The following RGS6 variants were observed in gnomAD, a reference collection of about 807,000 sequenced individuals.
The protein encoded by RGS6 is regulator of G protein signaling 6.
In RGS6, 30 loss-of-function variants were observed where a neutral mutation model predicts 78.5. That is an observed-to-expected ratio of 0.38 (90% CI 0.29 to 0.52). RGS6 has a LOEUF of 0.52. Ranked by LOEUF, RGS6 falls within the 20% of genes least tolerant of loss-of-function variation. RGS6 has a pLI of 0.85. For synonymous variants in RGS6, 206 were observed against 206.0 expected (o/e 1.00, Z 0.00); for missense variants, 495 against 609.7 (o/e 0.81, Z 1.98).
At chr14:72,360,376 G>A (rs35213669) in intron 3 of RGS6, among the ~76,000 whole-genome samples, 8,974 of 151,824 alleles carry the variant, frequency 0.059, 442 homozygotes, top group East Asian at 0.3. Context: ...AAAAAAATTA[G>A]CTGGGTGTGG....
intron 7 of RGS6, among the ~76,000 whole-genome samples, chr14:72,467,631 G>T (rs2095956224): frequency 6.6e-6 from 1 of 152,166 alleles, no homozygotes; most frequent in Non-Finnish European, 1.5e-5. Context: ...TGTGAATGGG[G>T]TGCAGGGGGC....
chr14:72,223,762 G>C (rs2047439430), intron 2 of RGS6, among the ~76,000 whole-genome samples: 1 of 152,216 alleles, frequency 6.6e-6, no homozygotes, highest in Admixed American at 6.5e-5. Context: ...TGGAAAGAAA[G>C]GTTCCATTCG....
At chr14:72,552,225 T>G (rs1164097528) in intron 17 of RGS6, among the ~76,000 whole-genome samples, 1 of 152,240 alleles carries the variant, frequency 6.6e-6, no homozygotes, top group Non-Finnish European at 1.5e-5. Context: ...ATTGTTGGCT[T>G]ATTTTTAAAG....
At chr14:71,965,717 A>C (rs1426320183) in intron 2 of RGS6, among the ~76,000 whole-genome samples, 1 of 152,226 alleles carries the variant, frequency 6.6e-6, no homozygotes, top group Admixed American at 6.5e-5. Context: ...CTGTTGCCCC[A>C]TTGTGCTGAA....
intron 13 of RGS6, 36 bp from the exon 14 acceptor site, chr14:72,510,118 T>C (rs777087283): frequency 1.9e-6 from 3 of 1,548,004 alleles, no homozygotes; most frequent in African/African-American, 2.8e-5. Flanking sequence ...TTCTCTGGTA[T>C]TGATCTTCTT....
chr14:72,474,552 T>C, intron 9 of RGS6, 73 bp from the exon 10 acceptor site: 1 of 1,341,664 alleles, frequency 7.5e-7, no homozygotes, highest in Non-Finnish European at 1.0e-6. Flanking sequence ...TTGGTCCTGA[T>C]GGTGTGACAT....
At chr14:72,412,029 T>C (rs1157571132) in intron 3 of RGS6, among the ~76,000 whole-genome samples, 1 of 152,138 alleles carries the variant, frequency 6.6e-6, no homozygotes, top group East Asian at 1.9e-4. Context: ...TAAAATTCTC[T>C]TTTTATGTGG....
intron 2 of RGS6, among the ~76,000 whole-genome samples, chr14:72,219,332 T>C (rs1416030087): frequency 6.6e-6 from 1 of 152,082 alleles, no homozygotes. Context: ...GAATACAGAA[T>C]CCACAAATAA....
At chr14:72,024,423 A>G (rs2153276918) in intron 2 of RGS6, among the ~76,000 whole-genome samples, 1 of 152,294 alleles carries the variant, frequency 6.6e-6, no homozygotes, top group East Asian at 1.9e-4. Context: ...AACCAGTTCT[A>G]TCCCAGGCCA....
the RGS6 span, among the ~76,000 whole-genome samples, chr14:71,908,919 A>G: frequency 6.6e-6 from 1 of 152,304 alleles, no homozygotes; most frequent in African/African-American, 2.4e-5. Flanking sequence ...CTGACCATCA[A>G]TTATAATTAC....
At chr14:72,382,226 T>C (rs533802177) in intron 3 of RGS6, among the ~76,000 whole-genome samples, 1 of 152,130 alleles carries the variant, frequency 6.6e-6, no homozygotes, top group South Asian at 2.1e-4. Context: ...CATGAATATA[T>C]AAAAGACTTC....
intron 2 of RGS6, among the ~76,000 whole-genome samples, chr14:72,232,347 G>A (rs2049859124): frequency 6.6e-6 from 1 of 152,214 alleles, no homozygotes; most frequent in African/African-American, 2.4e-5. Flanking sequence ...CAGCAACGGG[G>A]TAGAAAGAGG....
chr14:72,243,012 C>G (rs1346275507), intron 2 of RGS6, among the ~76,000 whole-genome samples: 1 of 151,810 alleles, frequency 6.6e-6, no homozygotes, highest in African/African-American at 2.4e-5. Context: ...CCACACCTGG[C>G]TTTTTGTGTG....
chr14:72,106,611 C>T (rs2095638258), intron 2 of RGS6, among the ~76,000 whole-genome samples: 1 of 152,154 alleles, frequency 6.6e-6, no homozygotes, highest in East Asian at 1.9e-4. Context: ...TAATTACTCC[C>T]TTGCCTTTTT....
Position 71,998,025 on chromosome 14 carries a change from C to T in RGS6, c.84+33150C>T, listed in dbSNP as rs184960634. On this transcript the variant is annotated intron_variant, in intron 2 of 17. Coordinates refer to ENST00000553525, the MANE Select transcript of RGS6 (RefSeq NM_001204424.2). ...ACACAGCCTCAGGAGGGCCTGACGA[C>T]GTGCTCAAGCTGGTTGGAATGCAGC... Among the ~76,000 whole-genome samples, 9 of 152,240 alleles carry T rather than the reference C, an allele frequency of 5.9e-5. No homozygotes were observed. In the East Asian group the frequency reaches 1.2e-3, roughly 20 times the overall value.
Position 72,562,805 on chromosome 14 carries a change from T to A in RGS6, c.*338T>A. On this transcript the variant is annotated 3_prime_UTR_variant, in exon 18 of 18. Coordinates refer to ENST00000553525, the MANE Select transcript of RGS6 (RefSeq NM_001204424.2). Reference sequence around the variant, plus strand: ...TGGGGTTCCTGTCACGACTATCACTTGAGATTATATTATTATCCTCACTCC... The same window carrying A: ...TGGGGTTCCTGTCACGACTATCACTAGAGATTATATTATTATCCTCACTCC... The A allele has an allele frequency of 6.9e-7, 1 of 1,442,992 alleles. No homozygotes were observed. Among genetic ancestry groups the A allele is most frequent in the South Asian group, 1.2e-5 (1 of 82,244 alleles). 89.4% of individuals were successfully genotyped at this position (1,442,992 alleles called of 1,614,324 possible).
At chr14:72,369,261 G>C (rs1198624543) in intron 3 of RGS6, among the ~76,000 whole-genome samples, 1 of 151,964 alleles carries the variant, frequency 6.6e-6, no homozygotes, top group Non-Finnish European at 1.5e-5. Context: ...AGAGGAGAAG[G>C]CCATATGGCC....
At chr14:71,948,478 T>A (rs2091860011) in intron 1 of RGS6, among the ~76,000 whole-genome samples, 2 of 152,240 alleles carry the variant, frequency 1.3e-5, no homozygotes, top group African/African-American at 4.8e-5. Flanking sequence ...ATATGCTGCA[T>A]CCTTCCTCCA....
chr14:72,540,151 C>CT (rs1567085111), intron 17 of RGS6, 57 bp downstream of exon 17: 2 of 1,499,160 alleles, frequency 1.3e-6, no homozygotes, highest in Admixed American at 2.2e-5. Context: ...TTTTTTCTTT[C>CT]TTCTTCTTTT....
Sources: gnomAD v4.1 joint callset for allele counts (sites outside exome capture counted in the v4.1 genomes callset) on GRCh38, gnomAD v4.1.1 for gene constraint, MANE v1.5 for transcripts, NCBI Gene and HGNC (gene_info 2026-07-23, HGNC 2026-07-21) for gene names.